The following LIMD1 variants were observed in gnomAD, a reference collection of about 807,000 sequenced individuals.
LIMD1 encodes LIM domain-containing protein 1.
In LIMD1, 23 loss-of-function variants were observed where a neutral mutation model predicts 58.4. That is an observed-to-expected ratio of 0.39 (90% CI 0.28 to 0.56). LIMD1 has a LOEUF of 0.56. LIMD1 is among the 20% of genes least tolerant of loss of function. The pLI is 0.57. For missense variants in LIMD1, 838 were observed against 855.5 expected, an observed-to-expected ratio of 0.98 and a Z score of 0.25; for synonymous variants, 334 against 345.5, an observed-to-expected ratio of 0.97 and a Z score of 0.37.
At chr3:45,670,904 G>C (rs1697579227) in intron 4 of LIMD1, among the ~76,000 whole-genome samples, 1 of 152,190 alleles carries the variant, frequency 6.6e-6, no homozygotes, top group Admixed American at 6.5e-5. Context: ...TTTGTTAATA[G>C]AGGGGTACAT....
At chr3:45,607,798 G>C (rs535457073) in intron 1 of LIMD1, among the ~76,000 whole-genome samples, 19 of 152,264 alleles carry the variant, frequency 1.2e-4, no homozygotes, top group African/African-American at 4.3e-4. Flanking sequence ...TGCTTTTTGT[G>C]CCCGAAACCC....
intron 4 of LIMD1, 131 bp downstream of exon 4, chr3:45,668,487 A>C: frequency 1.5e-6 from 1 of 664,952 alleles, no homozygotes. Flanking sequence ...GCAGTGGCTC[A>C]TGCCTGTAAT....
At chr3:45,598,254 T>A (rs914594194) in intron 1 of LIMD1, among the ~76,000 whole-genome samples, 1 of 152,184 alleles carries the variant, frequency 6.6e-6, no homozygotes. Flanking sequence ...GTGCCCGGCC[T>A]ACTGGTTTAT....
intron 4 of LIMD1, among the ~76,000 whole-genome samples, chr3:45,668,951 G>C (rs1697557167): frequency 6.6e-6 from 1 of 152,188 alleles, no homozygotes; most frequent in South Asian, 2.1e-4. Context: ...TGGCATCCCA[G>C]GTGAGATGCT....
Position 45,677,181 on chromosome 3 carries a change from G to C in LIMD1, c.*122G>C, listed in dbSNP as rs1024090080. ...AGGAGGGGCAGGAGGGAGAGTTCCT[G>C]TGAGCATGTGGGGGGTGCCTTTCCT... is the stretch of plus-strand genomic sequence containing the variant. On this transcript the variant is annotated 3_prime_UTR_variant, in exon 8 of 8. Coordinates refer to ENST00000273317, the MANE Select transcript of LIMD1 (RefSeq NM_014240.3). 9.0e-6 allele frequency: 10 copies of C among 1,111,984 alleles called. No homozygotes were observed. In the African/African-American group the frequency reaches 1.4e-4, roughly 15 times the overall value. The allele number at this position is 1,111,984 out of a possible 1,614,324, so 68.9% of individuals were successfully genotyped here.
At chr3:45,601,877 T>C (rs1000712355) in intron 1 of LIMD1, among the ~76,000 whole-genome samples, 2 of 152,060 alleles carry the variant, frequency 1.3e-5, no homozygotes, top group African/African-American at 2.4e-5. Flanking sequence ...ACCCACGTAC[T>C]GTAGGGAGCT....
rs1441402140 is a variant in LIMD1 at position 45,625,086 on chromosome 3, G to GTATGTTA, written c.1409-11064_1409-11063insTATGTTA. Among the ~76,000 whole-genome samples, 465 of 152,218 alleles carry GTATGTTA rather than the reference G, an allele frequency of 3.1e-3. 4 individuals are homozygous for GTATGTTA. The highest frequency in any genetic ancestry group is 0.01 in the African/African-American group (428 of 41,540). ...TTTTGCCGTATGTTAATGGTTTTCAGATAATCTTCCTGGAACCACTGCAGG... is the reference window on the plus strand; with the variant it reads ...TTTTGCCGTATGTTAATGGTTTTCAGTATGTTAATAATCTTCCTGGAACCACTGCAGG... On this transcript the variant is annotated intron_variant, in intron 1 of 7. Transcript: ENST00000273317.
Position 45,594,810 on chromosome 3 carries a change from C to CACACAG in LIMD1, c.-65_-64insGACACA, listed in dbSNP as rs1701320555. On this transcript the variant is annotated 5_prime_UTR_variant, in exon 1 of 8. Coordinates refer to ENST00000273317, the MANE Select transcript of LIMD1 (RefSeq NM_014240.3). Reference sequence around the variant, plus strand: ...ACACACACACACACACACACACACACACACACACACACACACACACACACA... The same window carrying CACACAG: ...ACACACACACACACACACACACACACACACAGACACACACACACACACACACACACA... 1.3e-6 allele frequency: 1 copy of CACACAG among 747,398 alleles called. No individual in the cohort carries two copies. Among genetic ancestry groups the CACACAG allele is most frequent in the Non-Finnish European group, 2.1e-6 (1 of 467,218 alleles). 46.3% of individuals were successfully genotyped at this position (747,398 alleles called of 1,614,324 possible). A position where few individuals can be genotyped will look rare whatever the true frequency, so the allele number is the denominator to read the frequency against.
At chr3:45,619,870 AT>A (rs1701614524) in intron 1 of LIMD1, among the ~76,000 whole-genome samples, 1 of 119,456 alleles carries the variant, frequency 8.4e-6, no homozygotes, top group Non-Finnish European at 1.6e-5. Context: ...GGCATCCTAT[AT>A]TTTATCTGGC....
Position 45,684,358 on chromosome 3 carries a change from A to G in LIMD1, c.*7299A>G, listed in dbSNP as rs1423764505. The stretch of plus-strand genomic sequence containing the variant: ...CGGAGTGAAAGTGAGGGGACACCCA[A>G]TTTGAAAACTCGGCAGGAAGCCAGA... On this transcript the variant is annotated 3_prime_UTR_variant, in exon 8 of 8. Coordinates refer to ENST00000273317, the MANE Select transcript of LIMD1 (RefSeq NM_014240.3). 1.3e-5 allele frequency: 2 copies of G among 152,238 alleles called. No homozygotes were observed. The highest frequency in any genetic ancestry group is 2.4e-5 in the African/African-American group (1 of 41,468). The allele number at this position is 152,238 out of a possible 1,614,324, so 9.4% of individuals were successfully genotyped here. A position where few individuals can be genotyped will look rare whatever the true frequency, so the allele number is the denominator to read the frequency against.
chr3:45,625,895 T>C (rs3774675), intron 1 of LIMD1, among the ~76,000 whole-genome samples: 39,132 of 152,112 alleles, frequency 0.26, 5,172 homozygotes, highest in East Asian at 0.46. Context: ...TGGATTAAGA[T>C]ATGGCGATAC....
Position 45,595,850 on chromosome 3 carries a change from G to A in LIMD1, c.971G>A (p.Gly324Asp). ...SNSGLGGEVS[G>D]VMSKPNVDPQ... ...TCGGGGCTGGGGGGTGAGGTTTCAG[G>A]TGTGATGTCCAAACCCAATGTGGAC... Residue 324 changes from glycine (G) to aspartate (D), a missense_variant, in exon 1 of 8, where the codon GGT becomes GAT. Gly to Asp is a moderately conservative substitution (Grantham distance 94, BLOSUM62 -1). Coordinates refer to ENST00000273317, the MANE Select transcript of LIMD1 (RefSeq NM_014240.3). 6.2e-7 allele frequency: 1 copy of A among 1,614,220 alleles called. No homozygotes were observed. The highest frequency in any genetic ancestry group is 8.5e-7 in the Non-Finnish European group (1 of 1,180,040).
chr3:45,668,554 A>G (rs941351653), intron 4 of LIMD1, among the ~76,000 whole-genome samples, 198 bp downstream of exon 4: 3 of 152,254 alleles, frequency 2.0e-5, no homozygotes, highest in East Asian at 1.9e-4. Flanking sequence ...TTTGAGACCA[A>G]CCAGCCTGGC....
intron 1 of LIMD1, among the ~76,000 whole-genome samples, chr3:45,597,345 A>G (rs1575339514): frequency 6.6e-6 from 1 of 151,928 alleles, no homozygotes; most frequent in African/African-American, 2.4e-5. Context: ...GTGCCTCCTA[A>G]CCCAGCCTAC....
intron 1 of LIMD1, among the ~76,000 whole-genome samples, chr3:45,598,033 G>C (rs1286496487): frequency 6.6e-6 from 1 of 152,054 alleles, no homozygotes; most frequent in African/African-American, 2.4e-5. Context: ...TGTTGCCCAG[G>C]CTGGAGTGCA....
In LIMD1 at chr3:45,636,131, G is replaced by A. The variant is rs1049110715; in HGVS notation, c.1409-19G>A. ...ACTGGTTCCCTCCTGACTCACTGAT[G>A]TTTCTCTTGTCCTGCAAGGAGCCTG... On this transcript the variant is annotated intron_variant, in intron 1 of 7. Transcript: ENST00000273317. 4 of 1,611,930 alleles carry A rather than the reference G, an allele frequency of 2.5e-6. No homozygotes were observed. Among genetic ancestry groups the A allele is most frequent in the Non-Finnish European group, 3.4e-6 (4 of 1,178,492 alleles).
chr3:45,605,697 G>A (rs1372957203), intron 1 of LIMD1, among the ~76,000 whole-genome samples: 1 of 152,242 alleles, frequency 6.6e-6, no homozygotes. Flanking sequence ...CCACTGGTAT[G>A]ATGATGATCA....
chr3:45,626,329 G>A (rs925843446), intron 1 of LIMD1, among the ~76,000 whole-genome samples: 7 of 152,098 alleles, frequency 4.6e-5, no homozygotes, highest in African/African-American at 1.7e-4. Flanking sequence ...ACAAAATTTG[G>A]CAAGATGTCC....
intron 1 of LIMD1, among the ~76,000 whole-genome samples, chr3:45,610,632 A>AC (rs1184645947): frequency 6.6e-6 from 1 of 151,930 alleles, no homozygotes; most frequent in South Asian, 2.1e-4. Context: ...TGGATCTGCC[A>AC]CCCCCCAGCT....
Sources: gnomAD v4.1 joint callset for allele counts (sites outside exome capture counted in the v4.1 genomes callset) on GRCh38, gnomAD v4.1.1 for gene constraint, MANE v1.5 for transcripts, NCBI Gene and HGNC (gene_info 2026-07-23, HGNC 2026-07-21) for gene names.